The following SCG2 variants were observed in gnomAD, a reference collection of about 807,000 sequenced individuals.
The protein encoded by SCG2 is secretogranin-2.
SCG2 carries 23 observed loss-of-function variants against 49.5 expected under a neutral mutation model. The observed-to-expected ratio is 0.46, with a 90% CI of 0.33 to 0.66. The LOEUF (loss-of-function observed/expected upper bound fraction) is 0.66, where lower values mean the gene tolerates loss of function less well. SCG2 is among the 30% of genes least tolerant of loss of function. The pLI, the probability that SCG2 is intolerant of heterozygous loss-of-function variation, is 0.01. For missense variants in SCG2, 730 were observed against 728.2 expected (o/e 1.00, Z -0.03); for synonymous variants, 288 against 260.4 (o/e 1.11, Z -1.02).
At chr2:223,599,975 T>C (rs902321220) in intron 1 of SCG2, among the ~76,000 whole-genome samples, 1 of 152,164 alleles carries the variant, frequency 6.6e-6, no homozygotes, top group Non-Finnish European at 1.5e-5. Context: ...ATAAATAACC[T>C]CCAGAACACG....
In SCG2 at chr2:223,597,621, G is replaced by A. The variant is rs543213129; in HGVS notation, c.1662C>T (p.Gly554=). Residue 554 remains glycine (G), a synonymous_variant, in exon 2 of 2, where the codon GGC becomes GGT. Coordinates refer to ENST00000305409, the MANE Select transcript of SCG2 (RefSeq NM_003469.5). ...EQAIKEHLNQ[G]SSQETDKLAP... Reference sequence around the variant, plus strand: ...CCAGCTTGTCAGTCTCCTGAGAGCTGCCTTGATTCAAATGCTCTTTGATGG... The same window carrying A: ...CCAGCTTGTCAGTCTCCTGAGAGCTACCTTGATTCAAATGCTCTTTGATGG... The A allele has an allele frequency of 1.1e-5, 18 of 1,614,056 alleles. No homozygotes were observed. In the South Asian group the frequency reaches 1.8e-4, roughly 16 times the overall value.
chr2:223,599,635 A>C (rs572754487), intron 1 of SCG2, among the ~76,000 whole-genome samples: 28 of 152,326 alleles, frequency 1.8e-4, no homozygotes, highest in Admixed American at 3.3e-4. Flanking sequence ...GTTTCTCTAT[A>C]ATAAAGCAGC....
chr2:223,598,202 G>A lies in SCG2; in HGVS notation c.1081C>T (p.Pro361Ser), dbSNP rs746725984. ...LIEISRNLQI[P>S]PEDLIEMLKT... ...AGCATCTCAATTAAGTCTTCTGGGG[G>A]TATCTGTAAATTCCTTGAGATTTCA... Residue 361 changes from proline to serine, a missense_variant, in exon 2 of 2, where the codon CCC (proline) becomes TCC (serine). Physicochemically the swap from Pro to Ser is moderately conservative, Grantham distance 74 (BLOSUM62 -1). Transcript: ENST00000305409. The A allele has an allele frequency of 6.2e-7, 1 of 1,614,096 alleles. No homozygotes were observed. Among genetic ancestry groups the A allele is most frequent in the East Asian group, 2.2e-5 (1 of 44,866 alleles).
chr2:223,600,654 T>G (rs1691376430), intron 1 of SCG2, among the ~76,000 whole-genome samples: 1 of 152,242 alleles, frequency 6.6e-6, no homozygotes, highest in East Asian at 1.9e-4. Flanking sequence ...GAAAATACCA[T>G]TGTTCACAAG....
At position 223,599,145 on chromosome 2, in the gene SCG2, A is replaced by G. The variant is rs201124799; in HGVS notation, c.138T>C (p.Asn46=). The change falls in exon 2 of 2, where the codon AAT becomes AAC. Residue 46 remains asparagine, a synonymous_variant. Transcript: ENST00000305409. ...LQKEPDLRLE[N]VQKFPSPEMI... ...TTTCAGGACTGGGAAACTTTTGGAC[A>G]TTTTCCAACCTGAGGTCTGGTTCTT... is the stretch of plus-strand genomic sequence containing the variant. The G allele has an allele frequency of 2.5e-6, 4 of 1,614,040 alleles. No individual in the cohort carries two copies. Among genetic ancestry groups the G allele is most frequent in the Middle Eastern group, 1.7e-4 (1 of 6,060 alleles).
chr2:223,599,210 C>T lies in SCG2; in HGVS notation c.73G>A (p.Ala25Thr). Residue 25 changes from alanine to threonine, a missense_variant, in exon 2 of 2, where the codon GCT becomes ACT. Transcript: ENST00000305409. Reference sequence around the variant, plus strand: ...TTTCTCTGAAATGAAGCTGCTTCAGCCCCAGAGATGAGGAAAATTAAAGGG... The same window carrying T: ...TTTCTCTGAAATGAAGCTGCTTCAGTCCCAGAGATGAGGAAAATTAAAGGG... The part of the protein sequence containing the change: ...LIPLIFLISG[A>T]EAASFQRNQL... 6.2e-7 allele frequency: 1 copy of T among 1,611,824 alleles called. No individual in the cohort carries two copies.
At chr2:223,599,913 T>C (rs1406282141) in intron 1 of SCG2, among the ~76,000 whole-genome samples, 2 of 152,208 alleles carry the variant, frequency 1.3e-5, no homozygotes, top group African/African-American at 2.4e-5. Flanking sequence ...CCTATCCAGA[T>C]ATATTTTTCA....
intron 1 of SCG2, among the ~76,000 whole-genome samples, chr2:223,601,460 C>T (rs187065700): frequency 2.6e-5 from 4 of 152,256 alleles, no homozygotes; most frequent in African/African-American, 9.6e-5. Context: ...AGTTGGGATA[C>T]AGAAAAAATG....
chr2:223,600,535 T>C (rs1305153841), intron 1 of SCG2, among the ~76,000 whole-genome samples: 3 of 152,184 alleles, frequency 2.0e-5, no homozygotes, highest in East Asian at 1.9e-4. Context: ...ACAAAATGAA[T>C]GTAAGAGGAG....
Position 223,598,928 on chromosome 2 carries a change from T to C in SCG2, c.355A>G (p.Arg119Gly). ...GACTGAGGCTCATTTTCAGCCTGTC[T>C]CAAAGCTTCGAGTATTATTCTCATC... The part of the protein sequence containing the change: ...DWMRIILEAL[R>G]QAENEPQSAP... The change falls in exon 2 of 2, where the codon AGA becomes GGA. Residue 119 changes from arginine to glycine, a missense_variant. Physicochemically the swap from Arg to Gly is moderately radical, Grantham distance 125. Coordinates refer to ENST00000305409, the MANE Select transcript of SCG2 (RefSeq NM_003469.5). 6.2e-7 allele frequency: 1 copy of C among 1,614,210 alleles called. No individual in the cohort carries two copies. The highest frequency in any genetic ancestry group is 8.5e-7 in the Non-Finnish European group (1 of 1,180,020).
Position 223,598,292 on chromosome 2 carries a change from T to C in SCG2, c.991A>G (p.Asn331Asp). ...AGSGRLQNGQNGERATRLFEK... is the reference protein window; with the variant it reads ...AGSGRLQNGQDGERATRLFEK... ...AAAAGCCTGGTGGCCCTTTCCCCATTTTGCCCATTCTGTAACCTCCCACTT... is the reference window on the plus strand; with the variant it reads ...AAAAGCCTGGTGGCCCTTTCCCCATCTTGCCCATTCTGTAACCTCCCACTT... Residue 331 changes from asparagine (N) to aspartate (D), a missense_variant, in exon 2 of 2, where the codon AAT becomes GAT. Transcript: ENST00000305409. 1 of 1,614,168 alleles carries C rather than the reference T, an allele frequency of 6.2e-7. No individual in the cohort carries two copies. Among genetic ancestry groups the C allele is most frequent in the Non-Finnish European group, 8.5e-7 (1 of 1,180,038 alleles).
chr2:223,597,369 G>T lies in SCG2; in HGVS notation c.*60C>A. 6.5e-7 allele frequency: 1 copy of T among 1,529,368 alleles called. No individual in the cohort carries two copies. The highest frequency in any genetic ancestry group is 2.1e-5 in the Admixed American group (1 of 47,540). The allele number at this position is 1,529,368 out of a possible 1,614,324, so 94.7% of individuals were successfully genotyped here. A position where few individuals can be genotyped will look rare whatever the true frequency, so the allele number is the denominator to read the frequency against. ...AGGATAGAAGTCAACACACTGAAGA[G>T]AAATGTTGGGATTTGCTTGGGGTGG... On this transcript the variant is annotated 3_prime_UTR_variant, in exon 2 of 2. Transcript: ENST00000305409.
At position 223,597,296 on chromosome 2, in the gene SCG2, C is replaced by T. The variant is rs1691310808; in HGVS notation, c.*133G>A. The T allele has an allele frequency of 8.6e-7, 1 of 1,156,496 alleles. No individual in the cohort carries two copies. The highest frequency in any genetic ancestry group is 1.2e-6 in the Non-Finnish European group (1 of 836,208). 71.6% of individuals were successfully genotyped at this position (1,156,496 alleles called of 1,614,324 possible). On this transcript the variant is annotated 3_prime_UTR_variant, in exon 2 of 2. Coordinates refer to ENST00000305409, the MANE Select transcript of SCG2 (RefSeq NM_003469.5). ...GGAAATGAAGCAGACTCCCCAGTGA[C>T]CTGGTTTCATCTGCCTGTACATCAT...
intron 1 of SCG2, among the ~76,000 whole-genome samples, chr2:223,601,874 A>C (rs1691395799): frequency 6.6e-6 from 1 of 152,226 alleles, no homozygotes; most frequent in African/African-American, 2.4e-5. Flanking sequence ...GTATCATTGG[A>C]AACCTACTGT....
rs1409112558 is a variant in SCG2, at chr2:223,602,320, A to G, written c.-50T>C. The G allele has an allele frequency of 1.3e-5, 2 of 152,124 alleles. No homozygotes were observed. Among genetic ancestry groups the G allele is most frequent in the African/African-American group, 2.4e-5 (1 of 41,440 alleles). The allele number at this position is 152,124 out of a possible 1,614,324, so 9.4% of individuals were successfully genotyped here. ...TTATATGGCAGAGGAGCTCCACAGC[A>G]TATTCCTCCCCGTTCTCCGGGCGAG... On this transcript the variant is annotated 5_prime_UTR_variant, in exon 1 of 2. It removes an upstream start codon present in the reference 5' UTR. Coordinates refer to ENST00000305409, the MANE Select transcript of SCG2 (RefSeq NM_003469.5).
chr2:223,598,635 A>G lies in SCG2; in HGVS notation c.648T>C (p.Arg216=), dbSNP rs1691341316. ...GKLTGPNNQK[R]ERMDEEQKLY... is the part of the protein sequence containing the mutation. ...GTTTTTGCTCCTCATCCATCCTCTC[A>G]CGTTTCTGGTTGTTTGGTCCTGTCA... is the stretch of plus-strand genomic sequence containing the variant. The change falls in exon 2 of 2, where the codon CGT becomes CGC. Residue 216 remains arginine, a synonymous_variant. Coordinates refer to ENST00000305409, the MANE Select transcript of SCG2 (RefSeq NM_003469.5). 3 of 1,613,768 alleles carry G rather than the reference A, an allele frequency of 1.9e-6. No individual in the cohort carries two copies. In the East Asian group the frequency reaches 6.7e-5, roughly 36 times the overall value.
chr2:223,599,178 C>T lies in SCG2; in HGVS notation c.105G>A (p.Leu35=). Reference sequence around the variant, plus strand: ...ACCTGAGGTCTGGTTCTTTCTGAAGCAGCTGGTTTCTCTGAAATGAAGCTG... The same window carrying T: ...ACCTGAGGTCTGGTTCTTTCTGAAGTAGCTGGTTTCTCTGAAATGAAGCTG... ...AEAASFQRNQ[L]LQKEPDLRLE... Residue 35 remains leucine, a synonymous_variant, in exon 2 of 2, where the codon CTG becomes CTA. Transcript: ENST00000305409. The T allele has an allele frequency of 6.2e-7, 1 of 1,613,942 alleles. No individual in the cohort carries two copies. Among genetic ancestry groups the T allele is most frequent in the Non-Finnish European group, 8.5e-7 (1 of 1,179,864 alleles).
chr2:223,599,085 T>C lies in SCG2; in HGVS notation c.198A>G (p.Arg66=). The part of the protein sequence containing the change: ...IRALEYIENL[R]QQAHKEESSP... ...TGCTTTCTTCCTTATGAGCTTGTTG[T>C]CGGAGGTTTTCTATGTACTCCAAAG... is the stretch of plus-strand genomic sequence containing the variant. The change falls in exon 2 of 2, where the codon CGA becomes CGG. Residue 66 remains arginine (R), a synonymous_variant. Transcript: ENST00000305409. 1 of 1,614,208 alleles carries C rather than the reference T, an allele frequency of 6.2e-7. No individual in the cohort carries two copies. Among genetic ancestry groups the C allele is most frequent in the Non-Finnish European group, 8.5e-7 (1 of 1,180,024 alleles).
Position 223,598,045 on chromosome 2 carries a change from C to G in SCG2, c.1238G>C (p.Ser413Thr). 6.2e-7 allele frequency: 1 copy of G among 1,608,328 alleles called. No homozygotes were observed. Among genetic ancestry groups the G allele is most frequent in the Non-Finnish European group, 8.5e-7 (1 of 1,177,138 alleles). Residue 413 changes from serine to threonine, a missense_variant, in exon 2 of 2, where the codon AGT (serine) becomes ACT (threonine). Ser to Thr is a moderately conservative substitution (Grantham distance 58). Coordinates refer to ENST00000305409, the MANE Select transcript of SCG2 (RefSeq NM_003469.5). ...DLFQNRMLSK[S>T]GYPKTPGRAG... ...ACGACCAGGTGTTTTAGGGTAGCCACTCTTGGAGAGCATCCTATTTTGGAA... is the reference window on the plus strand; with the variant it reads ...ACGACCAGGTGTTTTAGGGTAGCCAGTCTTGGAGAGCATCCTATTTTGGAA...
Sources: allele counts gnomAD v4.1 joint callset (sites outside exome capture counted in the v4.1 genomes callset), GRCh38; gene constraint gnomAD v4.1.1; transcripts MANE v1.5; gene names NCBI Gene and HGNC (gene_info 2026-07-23, HGNC 2026-07-21).